Variants in TET3 observed in about 807,000 individuals in gnomAD.
TET3 encodes the protein tet methylcytosine dioxygenase 3.
A neutral mutation model predicts 141.4 loss-of-function variants in TET3; 19 were observed. The ratio of observed to expected loss-of-function variants is 0.13; its 90% confidence interval spans 0.09 to 0.20. The LOEUF is 0.20. Ranked by LOEUF, TET3 falls within the 10% of genes least tolerant of loss-of-function variation. The pLI, the probability that TET3 is intolerant of heterozygous loss-of-function variation, is 1.00. For synonymous variants in TET3, 1,043 were observed against 980.9 expected (o/e 1.06, Z -1.18); for missense variants, 1,874 against 2,356.9 (o/e 0.80, Z 4.24).
chr2:74,031,169 G>T lies in TET3; in HGVS notation c.361-15109G>T, dbSNP rs1484538885. On this transcript the variant is annotated intron_variant, in intron 3 of 11. Transcript: ENST00000409262. Reference sequence around the variant, plus strand: ...ATTGGAGGGGAGGCTTCTGAGGGGAGCATGGGGCGATGGAGAGCAGTGAGG... The same window carrying T: ...ATTGGAGGGGAGGCTTCTGAGGGGATCATGGGGCGATGGAGAGCAGTGAGG... 2.0e-5 allele frequency among the ~76,000 whole-genome samples: 3 copies of T among 152,106 alleles called. No individual in the cohort carries two copies. In the East Asian group the frequency reaches 5.8e-4, roughly 29 times the overall value.
chr2:74,052,014 C>T (rs529993066), intron 4 of TET3, among the ~76,000 whole-genome samples: 1 of 152,246 alleles, frequency 6.6e-6, no homozygotes, highest in Non-Finnish European at 1.5e-5. Context: ...GCTTCTCGCT[C>T]TGTTGCCCAT....
chr2:73,996,211 C>T (rs1684588886), intron 2 of TET3, among the ~76,000 whole-genome samples: 1 of 152,182 alleles, frequency 6.6e-6, no homozygotes, highest in African/African-American at 2.4e-5. Flanking sequence ...CAGGAGTTGT[C>T]ACTAATTTCC....
chr2:74,078,710 G>A (rs1486441932), intron 5 of TET3, among the ~76,000 whole-genome samples: 2 of 152,080 alleles, frequency 1.3e-5, no homozygotes, highest in Non-Finnish European at 2.9e-5. Flanking sequence ...TGTGTATTCT[G>A]AACTGTAGAA....
Position 74,104,572 on chromosome 2 carries a change from A to C in TET3, c.*2396A>C, listed in dbSNP as rs1045430006. The stretch of plus-strand genomic sequence containing the variant: ...AGCAAGAAATACAATATTTTACGAA[A>C]CATTTGGAGAATGTGACCGTCTGTA... On this transcript the variant is annotated 3_prime_UTR_variant, in exon 12 of 12. Coordinates refer to ENST00000409262, the MANE Select transcript of TET3 (RefSeq NM_001287491.2). 6.6e-6 allele frequency: 1 copy of C among 152,168 alleles called. No homozygotes were observed. The highest frequency in any genetic ancestry group is 2.4e-5 in the African/African-American group (1 of 41,420). The allele number at this position is 152,168 out of a possible 1,614,324, so 9.4% of individuals were successfully genotyped here.
At chr2:74,092,803 G>A in intron 8 of TET3, 99 bp from the exon 9 acceptor site, 1 of 1,041,930 alleles carries the variant, frequency 9.6e-7, no homozygotes, top group East Asian at 2.6e-5. Flanking sequence ...CTCCCTCCCA[G>A]CCTCCCCCAC....
intron 4 of TET3, among the ~76,000 whole-genome samples, chr2:74,071,257 A>C (rs1689186440): frequency 6.6e-6 from 1 of 152,094 alleles, no homozygotes; most frequent in African/African-American, 2.4e-5. Context: ...CTACCTCCAA[A>C]TGCTATCCCA....
At chr2:74,075,815 G>C (rs886793574) in intron 5 of TET3, among the ~76,000 whole-genome samples, 2 of 152,308 alleles carry the variant, frequency 1.3e-5, no homozygotes, top group Admixed American at 1.3e-4. Flanking sequence ...CCTGGTATGA[G>C]GGCACTTCTG....
chr2:74,093,148 C>T lies in TET3; in HGVS notation c.3129+157C>T, dbSNP rs912815826. 6.6e-6 allele frequency among the ~76,000 whole-genome samples: 1 copy of T among 152,094 alleles called. No homozygotes were observed. The highest frequency in any genetic ancestry group is 6.6e-5 in the Admixed American group (1 of 15,256). The stretch of plus-strand genomic sequence containing the variant: ...TATGATGTGGTTCTTTGATAAAAAC[C>T]CCTTTTTTACACCAGGCTACCTGCA... On this transcript the variant is annotated intron_variant, in intron 9 of 11. Transcript: ENST00000409262. The surrounding 1 kb of genome is among the most constrained non-coding windows in gnomAD (Gnocchi z 4.2).
downstream of TET3, among the ~76,000 whole-genome samples, chr2:74,110,096 C>T (rs1691667488): frequency 6.6e-6 from 1 of 152,176 alleles, no homozygotes; most frequent in Non-Finnish European, 1.5e-5. Context: ...ATCATTATTA[C>T]TCTTGACATA....
intron 3 of TET3, among the ~76,000 whole-genome samples, chr2:74,005,485 C>T (rs548746392): frequency 1.6e-4 from 24 of 152,214 alleles, no homozygotes; most frequent in Non-Finnish European, 1.9e-4. Flanking sequence ...GGCCAGTTGG[C>T]TGCAGTGTCC....
chr2:74,065,178 A>G (rs557055104), intron 4 of TET3, among the ~76,000 whole-genome samples: 4 of 152,238 alleles, frequency 2.6e-5, no homozygotes, highest in Non-Finnish European at 4.4e-5. Flanking sequence ...TTATCTTTTA[A>G]TGGTAACTCA....
At chr2:74,129,823 G>A in the TET3 span, among the ~76,000 whole-genome samples, 1 of 152,090 alleles carries the variant, frequency 6.6e-6, no homozygotes, top group Middle Eastern at 3.2e-3. Flanking sequence ...GCCAGGTGCA[G>A]TGGCTCACGC....
intron 3 of TET3, among the ~76,000 whole-genome samples, chr2:74,028,602 A>G (rs1026613012): frequency 2.0e-5 from 3 of 152,126 alleles, no homozygotes; most frequent in Admixed American, 1.3e-4. Context: ...ACTGTTTTGT[A>G]GATGTTTATA....
intron 4 of TET3, among the ~76,000 whole-genome samples, chr2:74,071,629 T>G (rs1188577166): frequency 1.3e-5 from 2 of 152,228 alleles, no homozygotes; most frequent in Non-Finnish European, 2.9e-5. Context: ...AACTACAGAC[T>G]TTTTGGATTT....
intron 3 of TET3, among the ~76,000 whole-genome samples, chr2:74,034,906 T>G (rs146641591): frequency 6.6e-6 from 1 of 151,942 alleles, no homozygotes; most frequent in Non-Finnish European, 1.5e-5. Context: ...GAAGTGGTTG[T>G]TGAGGGCCGG....
chr2:74,021,249 T>C (rs1686027558), intron 3 of TET3, among the ~76,000 whole-genome samples: 1 of 152,212 alleles, frequency 6.6e-6, no homozygotes, highest in African/African-American at 2.4e-5. Context: ...GAGGAGCTGC[T>C]TTCTCAGGGT....
At chr2:74,085,858 A>T (rs996477835) in intron 6 of TET3, among the ~76,000 whole-genome samples, 83 of 151,958 alleles carry the variant, frequency 5.5e-4, no homozygotes, top group Non-Finnish European at 4.4e-5. Context: ...ACCCATGCCC[A>T]CTCAGTCTCC....
intron 4 of TET3, among the ~76,000 whole-genome samples, chr2:74,052,869 C>G (rs960111650): frequency 6.6e-6 from 1 of 151,962 alleles, no homozygotes; most frequent in Middle Eastern, 3.2e-3. Context: ...GACTCTGTCT[C>G]AAAAAACAAA....
intron 3 of TET3, among the ~76,000 whole-genome samples, chr2:74,017,953 TTCTG>T (rs1425528954): frequency 6.7e-6 from 1 of 150,274 alleles, no homozygotes; most frequent in Non-Finnish European, 1.5e-5. Flanking sequence ...ATGAAACCTC[TTCTG>T]TCTCTTTTTT....
Sources: allele counts gnomAD v4.1 joint callset (sites outside exome capture counted in the v4.1 genomes callset), GRCh38; gene constraint gnomAD v4.1.1; non-coding constraint Gnocchi (gnomAD v3.1); transcripts MANE v1.5; gene names NCBI Gene and HGNC (gene_info 2026-07-23, HGNC 2026-07-21).